Variants in LPGAT1 observed in about 807,000 individuals in gnomAD.
LPGAT1 encodes acyl-CoA:lysophosphatidylglycerol acyltransferase 1.
In LPGAT1, 11 loss-of-function variants were observed where a neutral mutation model predicts 47.5. That is an observed-to-expected ratio of 0.23 (90% CI 0.15 to 0.38). The LOEUF (loss-of-function observed/expected upper bound fraction) is 0.38. Among genes scored for constraint, LPGAT1 ranks in the 10% least tolerant of loss-of-function variants. The pLI is 1.00. For synonymous variants in LPGAT1, 138 were observed against 144.2 expected (o/e 0.96, Z 0.31); for missense variants, 293 against 439.0 (o/e 0.67, Z 2.97).
At chr1:211,788,956 G>A (rs1347506012) in intron 3 of LPGAT1, among the ~76,000 whole-genome samples, 1 of 152,130 alleles carries the variant, frequency 6.6e-6, no homozygotes, top group South Asian at 2.1e-4. Flanking sequence ...CATTATAAAA[G>A]CCCACAGATG....
intron 2 of LPGAT1, among the ~76,000 whole-genome samples, chr1:211,823,807 G>A (rs1466914120): frequency 1.3e-5 from 2 of 151,878 alleles, no homozygotes; most frequent in African/African-American, 4.8e-5. Flanking sequence ...GCACAGTGAT[G>A]CACACTTAGT....
intron 6 of LPGAT1, among the ~76,000 whole-genome samples, chr1:211,764,836 T>G (rs764510281): frequency 6.6e-6 from 1 of 152,100 alleles, no homozygotes; most frequent in Non-Finnish European, 1.5e-5. Flanking sequence ...ACTTTAAAGT[T>G]TGTGTAGATA....
In LPGAT1 at chr1:211,748,988, C is replaced by T. The variant is rs540319067; in HGVS notation, c.*911G>A. ...CAATGTCAAAATGGAAAAAATAAAG[C>T]CTCTGAGCTGCAATAGAGGCATCAC... On this transcript the variant is annotated 3_prime_UTR_variant, in exon 8 of 8. Transcript: ENST00000366997. 3 of 152,544 alleles carry T rather than the reference C, an allele frequency of 2.0e-5. No individual in the cohort carries two copies. The South Asian group carries it at 6.2e-4, about 32-fold the overall frequency. The allele number at this position is 152,544 out of a possible 1,614,324, so 9.4% of individuals were successfully genotyped here.
In LPGAT1 at chr1:211,830,722, C is replaced by A; in HGVS notation, c.-177G>T. ...GCCCGCGCCCGTTCCCCGGCGGCGCCGAGACTCGGTCCCCAAGGGCCCGGC... is the reference window on the plus strand; with the variant it reads ...GCCCGCGCCCGTTCCCCGGCGGCGCAGAGACTCGGTCCCCAAGGGCCCGGC... On this transcript the variant is annotated 5_prime_UTR_variant, in exon 1 of 8. Coordinates refer to ENST00000366997, the MANE Select transcript of LPGAT1 (RefSeq NM_014873.3). This position sits in a 1 kb window ranked among gnomAD's most constrained non-coding sequence, Gnocchi z 5.9. 1 of 1,179,714 alleles carries A rather than the reference C, an allele frequency of 8.5e-7. No individual in the cohort carries two copies. The highest frequency in any genetic ancestry group is 1.0e-6 in the Non-Finnish European group (1 of 954,428). The allele number at this position is 1,179,714 out of a possible 1,614,324, so 73.1% of individuals were successfully genotyped here.
intron 6 of LPGAT1, among the ~76,000 whole-genome samples, chr1:211,762,257 T>A (rs985834595): frequency 5.3e-5 from 8 of 152,188 alleles, no homozygotes; most frequent in Admixed American, 5.2e-4. Flanking sequence ...AAAATAAGGC[T>A]GAATTAAACC....
At chr1:211,799,699 GC>G (rs1177806105) in intron 2 of LPGAT1, among the ~76,000 whole-genome samples, 1 of 152,134 alleles carries the variant, frequency 6.6e-6, no homozygotes, top group Non-Finnish European at 1.5e-5. Context: ...GAGGTATATA[GC>G]CAAATAATCA....
chr1:211,769,547 A>G (rs1658077124), intron 6 of LPGAT1, among the ~76,000 whole-genome samples: 1 of 152,198 alleles, frequency 6.6e-6, no homozygotes, highest in Non-Finnish European at 1.5e-5. Context: ...GCAAATCTAT[A>G]AAGAAAGTAG....
At chr1:211,769,216 A>G (rs145545514) in intron 6 of LPGAT1, among the ~76,000 whole-genome samples, 44 of 152,294 alleles carry the variant, frequency 2.9e-4, no homozygotes, top group Middle Eastern at 3.4e-3. Context: ...GATAGTGGCT[A>G]GGACCAGGAT....
intron 7 of LPGAT1, 127 bp from the exon 8 acceptor site, chr1:211,750,177 A>G (rs1230226489): frequency 5.3e-6 from 4 of 758,922 alleles, no homozygotes; most frequent in Non-Finnish European, 8.8e-6. Flanking sequence ...CCAGTGCCCC[A>G]GAGGAGAGAT....
intron 2 of LPGAT1, among the ~76,000 whole-genome samples, chr1:211,813,708 C>G (rs1660077103): frequency 6.6e-6 from 1 of 152,166 alleles, no homozygotes; most frequent in Non-Finnish European, 1.5e-5. Flanking sequence ...AGTTAGTGTT[C>G]TCTTAGCATC....
At position 211,744,987 on chromosome 1, in the gene LPGAT1, GA is replaced by G. The variant is rs1289519637; in HGVS notation, c.*4911del. 2 of 152,378 alleles carry G rather than the reference GA, an allele frequency of 1.3e-5. No individual in the cohort carries two copies. Among genetic ancestry groups the G allele is most frequent in the Non-Finnish European group, 2.9e-5 (2 of 67,988 alleles). The allele number at this position is 152,378 out of a possible 1,614,324, so 9.4% of individuals were successfully genotyped here. On this transcript the variant is annotated 3_prime_UTR_variant, in exon 8 of 8. Coordinates refer to ENST00000366997, the MANE Select transcript of LPGAT1 (RefSeq NM_014873.3). Reference sequence around the variant, plus strand: ...GCTAAGAATTAAAAGCACTTTAATTGAAAAAAATCAACTTTATTTTTTCTAG... The same window carrying G: ...GCTAAGAATTAAAAGCACTTTAATTGAAAAAATCAACTTTATTTTTTCTAG...
chr1:211,787,821 A>G, intron 3 of LPGAT1, 94 bp from the exon 4 acceptor site: 1 of 719,832 alleles, frequency 1.4e-6, no homozygotes, highest in Non-Finnish European at 2.3e-6. Flanking sequence ...TCATCCAAGC[A>G]TACTTTTAAT....
chr1:211,823,280 C>G, intron 2 of LPGAT1, among the ~76,000 whole-genome samples: 1 of 152,216 alleles, frequency 6.6e-6, no homozygotes, highest in Non-Finnish European at 1.5e-5. Flanking sequence ...ATTAAGTGAC[C>G]GAAGCACTTT....
chr1:211,811,959 G>A (rs1213064521), intron 2 of LPGAT1, among the ~76,000 whole-genome samples: 2 of 152,210 alleles, frequency 1.3e-5, no homozygotes, highest in Non-Finnish European at 2.9e-5. Context: ...TCAAAGACTA[G>A]CTCGGCTCTT....
intron 6 of LPGAT1, among the ~76,000 whole-genome samples, chr1:211,767,161 C>T (rs1356504038): frequency 6.6e-6 from 1 of 152,110 alleles, no homozygotes; most frequent in Non-Finnish European, 1.5e-5. Flanking sequence ...TCTTTTGAGA[C>T]ATGGTCTCAC....
chr1:211,797,081 C>T (rs1226424672), intron 2 of LPGAT1, among the ~76,000 whole-genome samples: 2 of 151,976 alleles, frequency 1.3e-5, no homozygotes, highest in Admixed American at 6.6e-5. Flanking sequence ...CATGGTGAAA[C>T]CCTGTCTCTT....
Position 211,771,690 on chromosome 1 carries a change from GA to G in LPGAT1, c.854+7227del, listed in dbSNP as rs536100186. On this transcript the variant is annotated intron_variant, in intron 6 of 7. Transcript: ENST00000366997. ...GCTAATTTTTTGTAGTTTTAGTACAGATGGGGTTACCACATTGGCCAGGCTG... is the reference window on the plus strand; with the variant it reads ...GCTAATTTTTTGTAGTTTTAGTACAGTGGGGTTACCACATTGGCCAGGCTG... Among the ~76,000 whole-genome samples the G allele has an allele frequency of 2.5e-3, 381 of 152,052 alleles. 1 individual carries two copies. Among genetic ancestry groups the G allele is most frequent in the South Asian group, 7.1e-3 (34 of 4,812 alleles).
At chr1:211,758,527 C>G (rs1043199000) in intron 6 of LPGAT1, among the ~76,000 whole-genome samples, 1 of 152,028 alleles carries the variant, frequency 6.6e-6, no homozygotes, top group East Asian at 1.9e-4. Flanking sequence ...CACGGTGAAA[C>G]CCCATCTCTA....
intron 6 of LPGAT1, among the ~76,000 whole-genome samples, chr1:211,753,344 T>A (rs1179857066): frequency 6.6e-6 from 1 of 152,238 alleles, no homozygotes; most frequent in Non-Finnish European, 1.5e-5. Context: ...AGATATAGGA[T>A]TCAAGGTTAA....
Sources: gnomAD v4.1 joint callset for allele counts (sites outside exome capture counted in the v4.1 genomes callset) on GRCh38, gnomAD v4.1.1 for gene constraint, Gnocchi (gnomAD v3.1) non-coding constraint, MANE v1.5 for transcripts, NCBI Gene and HGNC (gene_info 2026-07-23, HGNC 2026-07-21) for gene names.